LTK: variants seen among roughly 807,000 people sequenced by gnomAD.
LTK encodes the protein leukocyte receptor tyrosine kinase.
Under a neutral mutation model 101.5 loss-of-function variants are expected in LTK, and 117 were observed. That is an observed-to-expected ratio of 1.15 (90% CI 0.99 to 1.34). LTK has a LOEUF of 1.34. Among genes scored for constraint, LTK ranks in the 40% most tolerant of loss-of-function variants. The pLI, the probability that LTK is intolerant of heterozygous loss-of-function variation, is 0.00. For missense variants in LTK, 1,252 were observed against 1,164.7 expected (o/e 1.07, Z -1.09); for synonymous variants, 563 against 494.2 (o/e 1.14, Z -1.85).
Position 41,504,413 on chromosome 15 carries a change from A to G in LTK, c.2275T>C (p.Cys759Arg). ...CGGAGCTCAGGCTCGTGCTGCCAAC[A>G]CTGGGTCATGATGCGGTACCTGGGG... The part of the protein sequence containing the change: ...PGPVYRIMTQ[C>R]WQHEPELRPS... The change falls in exon 19 of 20, where the codon TGT becomes CGT. Residue 759 changes from cysteine to arginine, a missense_variant. By Grantham distance (180) the Cys-to-Arg change is radical (BLOSUM62 -3). Coordinates refer to ENST00000263800, the MANE Select transcript of LTK (RefSeq NM_002344.6). 3 of 1,614,160 alleles carry G rather than the reference A, an allele frequency of 1.9e-6. No individual in the cohort carries two copies. The highest frequency in any genetic ancestry group is 2.5e-6 in the Non-Finnish European group (3 of 1,180,000).
At position 41,511,380 on chromosome 15, in the gene LTK, A is replaced by T; in HGVS notation, c.815-34T>A. ...CGACAGCAGGAAGGTTGGCAGCCACACGGGGAGCACGCCCGCCTCTCCCCG... is the reference window on the plus strand; with the variant it reads ...CGACAGCAGGAAGGTTGGCAGCCACTCGGGGAGCACGCCCGCCTCTCCCCG... On this transcript the variant is annotated intron_variant, in intron 6 of 19. Coordinates refer to ENST00000263800, the MANE Select transcript of LTK (RefSeq NM_002344.6). The surrounding 1 kb of genome is among the most constrained non-coding windows in gnomAD (Gnocchi z 5.9). 7.3e-7 allele frequency: 1 copy of T among 1,364,088 alleles called. No homozygotes were observed. The highest frequency in any genetic ancestry group is 9.4e-7 in the Non-Finnish European group (1 of 1,067,276). 84.5% of individuals were successfully genotyped at this position (1,364,088 alleles called of 1,614,324 possible).
chr15:41,512,886 C>A lies in LTK; in HGVS notation c.188-8G>T. On this transcript the variant is annotated splice_polypyrimidine_tract_variant and splice_region_variant and intron_variant, in intron 2 of 19. Coordinates refer to ENST00000263800, the MANE Select transcript of LTK (RefSeq NM_002344.6). ...GCCAAGACCCCTCGGTGCCTGAGAG[C>A]AAGGAGCGAGGCAAGGGTCGTCGAG... 6.2e-7 allele frequency: 1 copy of A among 1,608,898 alleles called. No homozygotes were observed. The highest frequency in any genetic ancestry group is 8.5e-7 in the Non-Finnish European group (1 of 1,176,864).
At chr15:41,510,441 C>T (rs2051418003) in intron 7 of LTK, among the ~76,000 whole-genome samples, 1 of 152,054 alleles carries the variant, frequency 6.6e-6, no homozygotes, top group African/African-American at 2.4e-5. Context: ...CTTCCCCCAA[C>T]TCCCAGGATA....
rs2140701179 is a variant in LTK, at chr15:41,506,009, C to T, written c.1542-4G>A. On this transcript the variant is annotated splice_region_variant and splice_polypyrimidine_tract_variant and intron_variant, in intron 11 of 19. Transcript: ENST00000263800. The stretch of plus-strand genomic sequence containing the variant: ...AAAGGCACCATGGCCCAGGGCTCTG[C>T]AGGAAGACACGTTGGAAGGGAGTGG... The T allele has an allele frequency of 6.2e-7, 1 of 1,609,866 alleles. No homozygotes were observed. The highest frequency in any genetic ancestry group is 1.7e-4 in the Middle Eastern group (1 of 6,046).
Position 41,505,718 on chromosome 15 carries a change from G to T in LTK, c.1692C>A (p.Ile564=), listed in dbSNP as rs1327129940. Reference sequence around the variant, plus strand: ...GCCCCTGGTCCCAGGTGCACCTGATGATGAGGGCCTCCATGAGGAAATCCA... The same window carrying T: ...GCCCCTGGTCCCAGGTGCACCTGATTATGAGGGCCTCCATGAGGAAATCCA... ...DELDFLMEAL[I]ISKFRHQNIV... is the part of the protein sequence containing the mutation. Residue 564 remains isoleucine (I), a synonymous_variant, in exon 13 of 20, where the codon ATC becomes ATA. Coordinates refer to ENST00000263800, the MANE Select transcript of LTK (RefSeq NM_002344.6). The T allele has an allele frequency of 6.2e-7, 1 of 1,613,834 alleles. No individual in the cohort carries two copies. The highest frequency in any genetic ancestry group is 1.7e-5 in the Admixed American group (1 of 60,024).
chr15:41,506,138 G>T, intron 11 of LTK, 133 bp from the exon 12 acceptor site: 1 of 611,846 alleles, frequency 1.6e-6, no homozygotes. Flanking sequence ...TCCATACCAT[G>T]GCATGTCCCC....
chr15:41,507,411 C>G, intron 10 of LTK, 121 bp from the exon 11 acceptor site: 1 of 1,515,540 alleles, frequency 6.6e-7, no homozygotes, highest in Admixed American at 2.0e-5. Context: ...GCCTCCCCAG[C>G]TCCTTCCTAT....
At chr15:41,513,190 C>A in intron 1 of LTK, 70 bp from the exon 2 acceptor site, 1 of 1,493,514 alleles carries the variant, frequency 6.7e-7, no homozygotes, top group Non-Finnish European at 8.9e-7. Context: ...AAAGAGAGAA[C>A]CCCGCAACAG....
In LTK at chr15:41,511,448, C is replaced by G; in HGVS notation, c.788G>C (p.Gly263Ala). The G allele has an allele frequency of 7.1e-7, 1 of 1,413,772 alleles. No individual in the cohort carries two copies. Among genetic ancestry groups the G allele is most frequent in the Non-Finnish European group, 9.2e-7 (1 of 1,091,078 alleles). 87.6% of individuals were successfully genotyped at this position (1,413,772 alleles called of 1,614,324 possible). Residue 263 changes from glycine (G) to alanine (A), a missense_variant, in exon 6 of 20, where the codon GGG becomes GCG. Transcript: ENST00000263800. The surrounding 1 kb of genome is among the most constrained non-coding windows in gnomAD (Gnocchi z 5.9). ...EKLENRSEAP[G>A]SGGRGGAAGG... The stretch of plus-strand genomic sequence containing the variant: ...TGCCGCCCCGCCTCTCCCGCCGCTC[C>G]CGGGCGCCTCCGAGCGGTTCTCCAG...
chr15:41,507,311 G>C (rs777997990), intron 10 of LTK, 21 bp from the exon 11 acceptor site: 3 of 1,575,666 alleles, frequency 1.9e-6, no homozygotes, highest in East Asian at 2.2e-5. Flanking sequence ...GAAGAATAAC[G>C]GCACACCCTC....
chr15:41,506,598 T>C (rs316621), intron 11 of LTK, among the ~76,000 whole-genome samples: 152,017 of 152,052 alleles, frequency 1, 75,991 homozygotes, highest in Non-Finnish European at 1. Flanking sequence ...AGATCATATT[T>C]TTTTTTTATT....
At chr15:41,505,880 C>G in intron 12 of LTK, 35 bp downstream of exon 12, 1 of 1,603,744 alleles carries the variant, frequency 6.2e-7, no homozygotes, top group Non-Finnish European at 8.5e-7. Context: ...GTGTTCCGCT[C>G]TCCTACCCCC....
chr15:41,510,573 TGCCTCA>T (rs1276308990), intron 7 of LTK, among the ~76,000 whole-genome samples: 5 of 151,974 alleles, frequency 3.3e-5, no homozygotes, highest in South Asian at 2.1e-4. Flanking sequence ...GCAATTCTCC[TGCCTCA>T]GCCTCCAGAG....
In LTK at chr15:41,511,625, G is replaced by A. The variant is rs771269394; in HGVS notation, c.658-47C>T. On this transcript the variant is annotated intron_variant, in intron 5 of 19. Coordinates refer to ENST00000263800, the MANE Select transcript of LTK (RefSeq NM_002344.6). The surrounding 1 kb of genome is among the most constrained non-coding windows in gnomAD (Gnocchi z 5.9). ...CCAGGAAGCGCCCTCCAGCTGTCCA[G>A]GGGCACTGCCACTGGGAGAGGGCTC... 138 of 1,419,548 alleles carry A rather than the reference G, an allele frequency of 9.7e-5. No individual in the cohort carries two copies. Among genetic ancestry groups the A allele is most frequent in the Non-Finnish European group, 1.2e-4 (136 of 1,099,500 alleles). The allele number at this position is 1,419,548 out of a possible 1,614,324, so 87.9% of individuals were successfully genotyped here. A position where few individuals can be genotyped will look rare whatever the true frequency, so the allele number is the denominator to read the frequency against.
At position 41,513,743 on chromosome 15, in the gene LTK, G is replaced by T; in HGVS notation, c.-34C>A. 6.2e-7 allele frequency: 1 copy of T among 1,602,546 alleles called. No homozygotes were observed. Among genetic ancestry groups the T allele is most frequent in the Non-Finnish European group, 8.5e-7 (1 of 1,170,028 alleles). On this transcript the variant is annotated 5_prime_UTR_variant, in exon 1 of 20. Transcript: ENST00000263800. ...GGTCCACCCGGCAACAAAAGCCCTT[G>T]CGGTCGCGGCCACACCCCTGTCAAC...
intron 15 of LTK, 57 bp downstream of exon 15, chr15:41,505,151 C>T (rs2051223333): frequency 6.3e-7 from 1 of 1,587,898 alleles, no homozygotes; most frequent in East Asian, 2.2e-5. Context: ...TGTGGAAGGG[C>T]TGTTCCTTGG....
Position 41,513,803 on chromosome 15 carries a change from T to G in LTK, c.-94A>C, listed in dbSNP as rs898963855. 3 of 1,123,726 alleles carry G rather than the reference T, an allele frequency of 2.7e-6. No homozygotes were observed. The highest frequency in any genetic ancestry group is 4.1e-6 in the Non-Finnish European group (3 of 737,598). 69.6% of individuals were successfully genotyped at this position (1,123,726 alleles called of 1,614,324 possible). ...ACAGCTCATTTTGCCACGGCAGCCC[T>G]GGCCACCACTTACAGGGGTGTGCTG... On this transcript the variant is annotated 5_prime_UTR_variant, in exon 1 of 20. Coordinates refer to ENST00000263800, the MANE Select transcript of LTK (RefSeq NM_002344.6).
At position 41,504,873 on chromosome 15, in the gene LTK, C is replaced by A. The variant is rs1298138653; in HGVS notation, c.2020G>T (p.Ala674Ser). The change falls in exon 17 of 20, where the codon GCC (alanine) becomes TCC (serine). Residue 674 changes from alanine (A) to serine (S), a missense_variant and splice_region_variant. By Grantham distance (99) the Ala-to-Ser change is moderately conservative (BLOSUM62 1). Coordinates refer to ENST00000263800, the MANE Select transcript of LTK (RefSeq NM_002344.6). ...DFGMARDIYR[A>S]SYYRRGDRAL... ...CGGTCCCCCCTGCGGTAATAACTGG[C>A]CCTACAGGAGGGAGGAGGTGAATGA... 6.2e-7 allele frequency: 1 copy of A among 1,611,636 alleles called. No individual in the cohort carries two copies.
Position 41,511,923 on chromosome 15 carries a change from C to G in LTK, c.551G>C (p.Arg184Pro), listed in dbSNP as rs748868150. ...ESQLVCLGESRAVEEHAAMDG... is the reference protein window; with the variant it reads ...ESQLVCLGESPAVEEHAAMDG... ...CATCGCCGCGTGCTCTTCAACGGCT[C>G]GAGACTCCCCGAGGCAGACGAGCTG... Residue 184 changes from arginine to proline, a missense_variant, in exon 5 of 20, where the codon CGA becomes CCA. Coordinates refer to ENST00000263800, the MANE Select transcript of LTK (RefSeq NM_002344.6). This position sits in a 1 kb window ranked among gnomAD's most constrained non-coding sequence, Gnocchi z 5.9. 6.7e-7 allele frequency: 1 copy of G among 1,500,210 alleles called. No individual in the cohort carries two copies. The highest frequency in any genetic ancestry group is 1.3e-5 in the South Asian group (1 of 76,514). The allele number at this position is 1,500,210 out of a possible 1,614,324, so 92.9% of individuals were successfully genotyped here.
Sources: allele counts gnomAD v4.1 joint callset (sites outside exome capture counted in the v4.1 genomes callset), GRCh38; gene constraint gnomAD v4.1.1; non-coding constraint Gnocchi (gnomAD v3.1); transcripts MANE v1.5; gene names NCBI Gene and HGNC (gene_info 2026-07-23, HGNC 2026-07-21).